Variants in GRM7 observed in about 807,000 individuals in gnomAD.
The protein encoded by GRM7 is glutamate metabotropic receptor 7.
A neutral mutation model predicts 84.5 loss-of-function variants in GRM7; 35 were observed. The ratio of observed to expected loss-of-function variants is 0.41; its 90% CI spans 0.32 to 0.55. GRM7 has a LOEUF of 0.55. Among genes scored for constraint, GRM7 ranks in the 20% least tolerant of loss-of-function variants. The pLI, the probability that GRM7 is intolerant of heterozygous loss-of-function variation, is 0.19. For synonymous variants in GRM7, 487 were observed against 455.1 expected (o/e 1.07, Z -0.89); for missense variants, 1,003 against 1,194.6 (o/e 0.84, Z 2.36).
At chr3:6,924,206 A>G (rs931973396) in intron 1 of GRM7, among the ~76,000 whole-genome samples, 8 of 152,204 alleles carry the variant, frequency 5.3e-5, no homozygotes, top group African/African-American at 1.7e-4. Context: ...GACTTTCATC[A>G]GATTTGGAAG....
intron 7 of GRM7, among the ~76,000 whole-genome samples, chr3:7,490,425 G>T (rs1428171742): frequency 6.6e-6 from 1 of 152,118 alleles, no homozygotes; most frequent in Non-Finnish European, 1.5e-5. Flanking sequence ...CACCATTTCA[G>T]ATTCATCCAG....
At chr3:7,503,391 C>T (rs924071448) in intron 7 of GRM7, among the ~76,000 whole-genome samples, 3 of 126,122 alleles carry the variant, frequency 2.4e-5, no homozygotes, top group Non-Finnish European at 3.7e-5. Context: ...CACGCACATG[C>T]ACACACACAC....
At chr3:7,005,907 T>C (rs570481460) in intron 1 of GRM7, among the ~76,000 whole-genome samples, 1 of 152,296 alleles carries the variant, frequency 6.6e-6, no homozygotes, top group African/African-American at 2.4e-5. Context: ...TGAGTCTCAT[T>C]GCCCTGTTTC....
intron 3 of GRM7, among the ~76,000 whole-genome samples, chr3:7,302,605 A>C (rs1700041052): frequency 6.6e-6 from 1 of 152,140 alleles, no homozygotes; most frequent in Admixed American, 6.5e-5. Flanking sequence ...TTAACTATGC[A>C]TATATACACA....
intron 1 of GRM7, among the ~76,000 whole-genome samples, chr3:6,879,672 G>T (rs962294314): frequency 1.3e-5 from 2 of 152,156 alleles, no homozygotes; most frequent in Non-Finnish European, 1.5e-5. Context: ...AAGCAAATCT[G>T]ATGATTAATA....
chr3:7,733,728 T>C (rs1014320939), intron 9 of GRM7, among the ~76,000 whole-genome samples: 5 of 152,204 alleles, frequency 3.3e-5, no homozygotes, highest in South Asian at 4.1e-4. Flanking sequence ...TGCAGGTTTA[T>C]TGAAGTTTTA....
At chr3:7,054,234 A>G (rs1697124659) in intron 1 of GRM7, among the ~76,000 whole-genome samples, 1 of 150,142 alleles carries the variant, frequency 6.7e-6, no homozygotes, top group Admixed American at 6.7e-5. Context: ...AAATGAAGCC[A>G]TTTTAATCTT....
intron 4 of GRM7, among the ~76,000 whole-genome samples, chr3:7,341,312 TTGTG>T (rs150896225): frequency 5.3e-5 from 8 of 151,986 alleles, no homozygotes; most frequent in South Asian, 2.1e-4. Context: ...TTAAAGGAGA[TTGTG>T]TGTGTGTGCA....
At chr3:7,637,219 C>A (rs1299487509) in intron 8 of GRM7, among the ~76,000 whole-genome samples, 2 of 152,172 alleles carry the variant, frequency 1.3e-5, no homozygotes, top group Non-Finnish European at 2.9e-5. Context: ...TCATAGCTCA[C>A]TATAACCTTA....
intron 7 of GRM7, among the ~76,000 whole-genome samples, chr3:7,489,345 A>G (rs1699439504): frequency 6.6e-6 from 1 of 152,112 alleles, no homozygotes; most frequent in Non-Finnish European, 1.5e-5. Context: ...AGTTTACATC[A>G]TCTAATTTAG....
chr3:7,440,592 A>G (rs1021329679), intron 5 of GRM7, among the ~76,000 whole-genome samples: 3 of 152,114 alleles, frequency 2.0e-5, no homozygotes, highest in Non-Finnish European at 2.9e-5. Context: ...TGTACATATT[A>G]TGTTGTCACA....
At chr3:7,291,489 GCTCTCTCTCTCTCTCTCT>G (rs71063301) in intron 2 of GRM7, among the ~76,000 whole-genome samples, 7,421 of 109,370 alleles carry the variant, frequency 0.068, 373 homozygotes, top group Admixed American at 0.13. Context: ...AGTCATGCCA[GCTCTCTCTCTCTCTCTCT>G]CTCTCTCTCT....
intron 7 of GRM7, among the ~76,000 whole-genome samples, chr3:7,498,249 T>A (rs553347237): frequency 6.6e-6 from 1 of 152,224 alleles, no homozygotes; most frequent in East Asian, 1.9e-4. Flanking sequence ...TGTATGAAAG[T>A]GACTTATTGA....
intron 1 of GRM7, among the ~76,000 whole-genome samples, chr3:6,929,664 A>G (rs1481169137): frequency 6.6e-6 from 1 of 152,214 alleles, no homozygotes; most frequent in East Asian, 1.9e-4. Flanking sequence ...GACTGTCAAT[A>G]AGATGCATAT....
At chr3:6,970,212 A>AAAC in intron 1 of GRM7, among the ~76,000 whole-genome samples, 1 of 8,168 alleles carries the variant, frequency 1.2e-4, no homozygotes, top group Non-Finnish European at 2.4e-4. Context: ...AACTGCTCCA[A>AAAC]GACTTTCCCT....
At chr3:6,976,542 A>T in intron 1 of GRM7, among the ~76,000 whole-genome samples, 1 of 152,312 alleles carries the variant, frequency 6.6e-6, no homozygotes, top group Non-Finnish European at 1.5e-5. Flanking sequence ...CTAAGGATTA[A>T]TTAATCTTTT....
At chr3:6,975,527 G>C (rs1490725028) in intron 1 of GRM7, among the ~76,000 whole-genome samples, 1 of 152,090 alleles carries the variant, frequency 6.6e-6, no homozygotes, top group African/African-American at 2.4e-5. Flanking sequence ...TTGAGCATGA[G>C]TCTCCTTAAA....
intron 1 of GRM7, among the ~76,000 whole-genome samples, chr3:7,048,501 A>T (rs1696879275): frequency 6.6e-6 from 1 of 151,944 alleles, no homozygotes; most frequent in Admixed American, 6.6e-5. Flanking sequence ...AAGAAAAAAA[A>T]AAGATGCATT....
chr3:7,360,284 C>T (rs1693605224), intron 4 of GRM7, among the ~76,000 whole-genome samples: 1 of 147,082 alleles, frequency 6.8e-6, no homozygotes, highest in Non-Finnish European at 1.5e-5. Context: ...AGCAAATATG[C>T]AGAAAATTGA....
Sources: allele counts gnomAD v4.1 joint callset (sites outside exome capture counted in the v4.1 genomes callset), GRCh38; gene constraint gnomAD v4.1.1; transcripts MANE v1.5; gene names NCBI Gene and HGNC (gene_info 2026-07-23, HGNC 2026-07-21).